RGL1: variants seen among roughly 807,000 people sequenced by gnomAD.
RGL1 encodes the protein ral guanine nucleotide dissociation stimulator-like 1.
In RGL1, 24 loss-of-function variants were observed where a neutral mutation model predicts 95.2. The observed-to-expected ratio is 0.25, with a 90% CI of 0.18 to 0.35. The LOEUF is 0.35. RGL1 is among the 10% of genes least tolerant of loss of function. The pLI is 1.00. For synonymous variants in RGL1, 329 were observed against 344.9 expected (o/e 0.95, Z 0.51); for missense variants, 715 against 936.3 (o/e 0.76, Z 3.08).
intron 2 of RGL1, among the ~76,000 whole-genome samples, chr1:183,809,318 T>C (rs1260141003): frequency 6.6e-6 from 1 of 152,240 alleles, no homozygotes; most frequent in Non-Finnish European, 1.5e-5. Flanking sequence ...TGAAGTATTA[T>C]ACAGTCCAAA....
At chr1:183,702,591 G>C (rs753276160) in intron 1 of RGL1, among the ~76,000 whole-genome samples, 1 of 152,162 alleles carries the variant, frequency 6.6e-6, no homozygotes, top group Non-Finnish European at 1.5e-5. Context: ...CTGAGGCATT[G>C]TACTGGCTGT....
intron 2 of RGL1, among the ~76,000 whole-genome samples, chr1:183,766,661 T>C (rs1264040311): frequency 6.6e-6 from 1 of 152,204 alleles, no homozygotes; most frequent in Non-Finnish European, 1.5e-5. Flanking sequence ...AAGTAAGTCT[T>C]TTAATTTTGT....
At chr1:183,780,788 C>T (rs1659862337) in intron 2 of RGL1, among the ~76,000 whole-genome samples, 1 of 152,178 alleles carries the variant, frequency 6.6e-6, no homozygotes, top group Non-Finnish European at 1.5e-5. Context: ...AAATATGCCA[C>T]AATAGCCCTG....
intron 1 of RGL1, among the ~76,000 whole-genome samples, chr1:183,715,569 A>G (rs1468536581): frequency 6.6e-6 from 1 of 152,138 alleles, no homozygotes; most frequent in Non-Finnish European, 1.5e-5. Context: ...GAGACTATTA[A>G]CACTTTATTT....
At chr1:183,848,350 A>C (rs1024218516) in intron 3 of RGL1, among the ~76,000 whole-genome samples, 6 of 152,220 alleles carry the variant, frequency 3.9e-5, no homozygotes, top group African/African-American at 1.4e-4. Flanking sequence ...ACACACTGTT[A>C]AACTTTAGAT....
intron 2 of RGL1, among the ~76,000 whole-genome samples, chr1:183,796,414 C>T (rs1005106980): frequency 1.8e-4 from 27 of 152,154 alleles, no homozygotes; most frequent in African/African-American, 5.5e-4. Context: ...CACCTGCCTC[C>T]GCCTCCCAAA....
At chr1:183,813,326 C>T (rs1412414641) in intron 2 of RGL1, among the ~76,000 whole-genome samples, 1 of 152,198 alleles carries the variant, frequency 6.6e-6, no homozygotes, top group Non-Finnish European at 1.5e-5. Context: ...CAGCCTTCCT[C>T]CATATACACT....
intron 2 of RGL1, among the ~76,000 whole-genome samples, chr1:183,778,408 G>C (rs1659713345): frequency 6.6e-6 from 1 of 152,164 alleles, no homozygotes; most frequent in Admixed American, 6.5e-5. Context: ...TAAAAGAGTA[G>C]GGGTTTTCCT....
intron 2 of RGL1, among the ~76,000 whole-genome samples, chr1:183,845,245 T>C (rs1664341871): frequency 6.6e-6 from 1 of 152,246 alleles, no homozygotes; most frequent in Non-Finnish European, 1.5e-5. Context: ...GGATTATTTT[T>C]GCTTTAGAAA....
chr1:183,743,511 G>GGTCT (rs1195739616), intron 2 of RGL1, among the ~76,000 whole-genome samples: 2 of 152,124 alleles, frequency 1.3e-5, no homozygotes, highest in African/African-American at 4.8e-5. Context: ...AGTTGTCTAG[G>GGTCT]GTCTGGTCCT....
At chr1:183,664,588 A>G (rs1294035053) in intron 1 of RGL1, among the ~76,000 whole-genome samples, 2 of 146,622 alleles carry the variant, frequency 1.4e-5, no homozygotes, top group Middle Eastern at 3.4e-3. Flanking sequence ...TTTTTTTTTT[A>G]ATGCCATAAT....
chr1:183,835,144 G>A (rs953692330), intron 2 of RGL1, among the ~76,000 whole-genome samples: 4 of 151,300 alleles, frequency 2.6e-5, no homozygotes, highest in Non-Finnish European at 5.9e-5. Context: ...CAAAATGTTT[G>A]CTTTCTTGGT....
At position 183,698,455 on chromosome 1, in the gene RGL1, A is replaced by G. The variant is rs140337882; in HGVS notation, c.-32-43671A>G. ...CCTATACTTTGATACAATGCCTAAA[A>G]TAGAACAACCATGCTATGTTTGAGT... is the stretch of plus-strand genomic sequence containing the variant. On this transcript the variant is annotated intron_variant, in intron 1 of 18. Transcript: ENST00000304685. 1.7e-3 allele frequency among the ~76,000 whole-genome samples: 266 copies of G among 152,382 alleles called. 2 individuals are homozygous for G. Among genetic ancestry groups the G allele is most frequent in the African/African-American group, 6.3e-3 (260 of 41,586 alleles).
intron 2 of RGL1, among the ~76,000 whole-genome samples, chr1:183,776,366 TCTCGATCTCCTGAC>T (rs1659602353): frequency 6.6e-6 from 1 of 151,798 alleles, no homozygotes; most frequent in Non-Finnish European, 1.5e-5. Context: ...GCCAGGATGG[TCTCGATCTCCTGAC>T]CTCGTGATCC....
chr1:183,710,616 A>T (rs1445966180), intron 1 of RGL1, among the ~76,000 whole-genome samples: 6 of 152,206 alleles, frequency 3.9e-5, no homozygotes. Context: ...AGGCCTCAGG[A>T]AACTTACAAT....
At chr1:183,845,916 A>C (rs935555812) in intron 2 of RGL1, among the ~76,000 whole-genome samples, 3 of 152,212 alleles carry the variant, frequency 2.0e-5, no homozygotes, top group Non-Finnish European at 2.9e-5. Flanking sequence ...ATGAGTGTGC[A>C]AAAATTTTTT....
chr1:183,705,496 A>G (rs1336858694), intron 1 of RGL1, among the ~76,000 whole-genome samples: 1 of 152,154 alleles, frequency 6.6e-6, no homozygotes, highest in Admixed American at 6.5e-5. Flanking sequence ...AGAGGTCACG[A>G]GCCAGGGCCT....
intron 1 of RGL1, among the ~76,000 whole-genome samples, chr1:183,729,872 G>A (rs577122338): frequency 6.6e-6 from 1 of 152,178 alleles, no homozygotes; most frequent in African/African-American, 2.4e-5. Context: ...AAAAAAGTAG[G>A]TATTGTATGA....
In RGL1 at chr1:183,891,733, GTTTTTTTTTTT is replaced by G. The variant is rs57974956; in HGVS notation, c.1056-327_1056-317del. ...ATCTGTGGGCTCTGTGTGTGTAACAGTTTTTTTTTTTTTTTTTTTTTTTTTTTGTTTAACTC... is the reference window on the plus strand; with the variant it reads ...ATCTGTGGGCTCTGTGTGTGTAACAGTTTTTTTTTTTTTTTTGTTTAACTC... On this transcript the variant is annotated intron_variant, in intron 8 of 17. Coordinates refer to ENST00000360851, the MANE Select transcript of RGL1 (RefSeq NM_001297671.3). Among the ~76,000 whole-genome samples, 605 of 123,938 alleles carry G rather than the reference GTTTTTTTTTTT, an allele frequency of 4.9e-3. 1 individual carries two copies. The highest frequency in any genetic ancestry group is 7.2e-3 in the Non-Finnish European group (423 of 58,896). The allele number at this position is 123,938 out of a possible 152,430, so 81.3% of individuals were successfully genotyped here. A position where few individuals can be genotyped will look rare whatever the true frequency, so the allele number is the denominator to read the frequency against.
Sources: gnomAD v4.1 joint callset for allele counts (sites outside exome capture counted in the v4.1 genomes callset) on GRCh38, gnomAD v4.1.1 for gene constraint, MANE v1.5 for transcripts, NCBI Gene and HGNC (gene_info 2026-07-23, HGNC 2026-07-21) for gene names.